Variants in SLC2A9 observed in about 807,000 individuals in gnomAD.
SLC2A9 encodes solute carrier family 2 member 9, also known as solute carrier family 2, facilitated glucose transporter member 9.
Under a neutral mutation model 50.6 loss-of-function variants are expected in SLC2A9, and 39 were observed. The ratio of observed to expected loss-of-function variants is 0.77; its 90% CI spans 0.60 to 1.01. The LOEUF (loss-of-function observed/expected upper bound fraction) is 1.01. SLC2A9 is among the 50% of genes least tolerant of loss of function. The pLI, the probability that SLC2A9 is intolerant of heterozygous loss-of-function variation, is 0.00. For synonymous variants in SLC2A9, 324 were observed against 276.9 expected (o/e 1.17, Z -1.69); for missense variants, 686 against 677.6 (o/e 1.01, Z -0.14).
intron 6 of SLC2A9, among the ~76,000 whole-genome samples, chr4:9,938,821 C>T (rs914945765): frequency 2.6e-5 from 4 of 152,144 alleles, no homozygotes; most frequent in Admixed American, 2.6e-4. Flanking sequence ...ATTGCAGGCA[C>T]TGGAGGCTGG....
chr4:9,939,568 T>A (rs893239558), intron 6 of SLC2A9, among the ~76,000 whole-genome samples: 1 of 151,782 alleles, frequency 6.6e-6, no homozygotes, highest in East Asian at 1.9e-4. Context: ...TAGCTTTATG[T>A]CCTTGGCCAA....
chr4:9,805,343 C>T (rs1242797424), intron 3 of SLC2A9, among the ~76,000 whole-genome samples: 1 of 152,234 alleles, frequency 6.6e-6, no homozygotes, highest in Non-Finnish European at 1.5e-5. Flanking sequence ...ACGCAACACA[C>T]ATCATGCCCA....
At chr4:9,849,526 C>T (rs370319579) in intron 10 of SLC2A9, among the ~76,000 whole-genome samples, 9 of 152,276 alleles carry the variant, frequency 5.9e-5, no homozygotes, top group African/African-American at 2.2e-4. Context: ...AGACTTTCTT[C>T]CAGTGGGATT....
intron 3 of SLC2A9, chr4:9,782,172 C>T: frequency 6.3e-7 from 1 of 1,598,768 alleles, no homozygotes; most frequent in Non-Finnish European, 8.5e-7. Context: ...TGCCTGCTGA[C>T]CCTACTCATC....
At chr4:9,946,616 CTCT>C (rs1749212109) in intron 5 of SLC2A9, among the ~76,000 whole-genome samples, 1 of 152,264 alleles carries the variant, frequency 6.6e-6, no homozygotes, top group East Asian at 1.9e-4. Flanking sequence ...AAATGAAATG[CTCT>C]TCTTTATATT....
At chr4:9,985,846 T>C in intron 3 of SLC2A9, 53 bp from the exon 4 acceptor site, 1 of 1,612,820 alleles carries the variant, frequency 6.2e-7, no homozygotes, top group Non-Finnish European at 8.5e-7. Flanking sequence ...GGCATGTCAC[T>C]GAACTGTCCA....
At chr4:10,006,286 A>G (rs1760758678) in intron 2 of SLC2A9, among the ~76,000 whole-genome samples, 1 of 152,220 alleles carries the variant, frequency 6.6e-6, no homozygotes, top group Non-Finnish European at 1.5e-5. Context: ...AGCCCGTTTA[A>G]CAATATTAAT....
intron 3 of SLC2A9, among the ~76,000 whole-genome samples, chr4:9,793,345 C>G (rs1188449100): frequency 6.6e-6 from 1 of 152,194 alleles, no homozygotes; most frequent in East Asian, 1.9e-4. Context: ...TCCAGGTCTC[C>G]CAACTCCCAG....
At chr4:9,979,540 T>A (rs1755355070) in intron 5 of SLC2A9, among the ~76,000 whole-genome samples, 2 of 152,100 alleles carry the variant, frequency 1.3e-5, no homozygotes, top group Admixed American at 1.3e-4. Flanking sequence ...TCCTAGCAAG[T>A]CCAGTGGCCT....
rs553961384 is a variant in SLC2A9 at position 9,780,224 on chromosome 4, G to T, written n.386-159C>A. ...AGGAAAGATCACTGCCTGCTGGGAA[G>T]ACAGAGGGTCAGGGCAGAGACTGGA... On this transcript the variant is annotated intron_variant and non_coding_transcript_variant, in intron 3 of 3. Coordinates refer to the SLC2A9 transcript ENST00000503803. Among the ~76,000 whole-genome samples, 4 of 152,312 alleles carry T rather than the reference G, an allele frequency of 2.6e-5. No individual in the cohort carries two copies. In the East Asian group the frequency reaches 7.7e-4, roughly 29 times the overall value.
At chr4:9,902,843 C>T (rs547627519) in intron 8 of SLC2A9, among the ~76,000 whole-genome samples, 35 of 152,298 alleles carry the variant, frequency 2.3e-4, no homozygotes, top group Non-Finnish European at 4.4e-5. Context: ...AGTCACATTC[C>T]GAGGTACTAG....
chr4:9,923,087 T>C (rs1328283051), intron 6 of SLC2A9: 1 of 152,140 alleles, frequency 6.6e-6, no homozygotes, highest in Non-Finnish European at 1.5e-5. Context: ...AGATATTCTT[T>C]TGAAAATAGC....
downstream of SLC2A9, among the ~76,000 whole-genome samples, chr4:9,825,572 A>G (rs1725013324): frequency 6.6e-6 from 1 of 152,008 alleles, no homozygotes; most frequent in Admixed American, 6.6e-5. Context: ...TTAGCTTTAG[A>G]ATCATCCTCA....
intron 11 of SLC2A9, among the ~76,000 whole-genome samples, chr4:9,831,636 C>T (rs1726164407): frequency 6.6e-6 from 1 of 152,170 alleles, no homozygotes; most frequent in Non-Finnish European, 1.5e-5. Flanking sequence ...CCAGAGCTGT[C>T]CATCTGCAAA....
chr4:9,821,436 G>A (rs114731059), downstream of SLC2A9, among the ~76,000 whole-genome samples: 3,199 of 152,102 alleles, frequency 0.021, 77 homozygotes, highest in Non-Finnish European at 0.029. Context: ...TCATAAGTGC[G>A]AATTGAACAA....
chr4:9,970,646 C>A (rs1008222622), intron 5 of SLC2A9, among the ~76,000 whole-genome samples: 8 of 151,296 alleles, frequency 5.3e-5, no homozygotes, highest in African/African-American at 1.9e-4. Context: ...TGGATAAATT[C>A]CCCTAGAAGA....
intron 10 of SLC2A9, among the ~76,000 whole-genome samples, chr4:9,857,074 A>G (rs746184800): frequency 1.3e-5 from 2 of 152,192 alleles, no homozygotes; most frequent in African/African-American, 2.4e-5. Flanking sequence ...ATTTACCTAT[A>G]TATCAAACCT....
intron 3 of SLC2A9, among the ~76,000 whole-genome samples, chr4:9,784,382 A>G (rs1718944545): frequency 6.6e-6 from 1 of 152,246 alleles, no homozygotes; most frequent in South Asian, 2.1e-4. Flanking sequence ...ATGTAGAATA[A>G]TATCTTGAAT....
intron 4 of SLC2A9, among the ~76,000 whole-genome samples, chr4:9,981,204 GTGA>G (rs1350985058): frequency 4.0e-5 from 6 of 150,304 alleles, no homozygotes; most frequent in Non-Finnish European, 7.4e-5. Context: ...GGTCATGATG[GTGA>G]TGATGATGAT....
Sources: allele counts gnomAD v4.1 joint callset (sites outside exome capture counted in the v4.1 genomes callset), GRCh38; gene constraint gnomAD v4.1.1; transcripts MANE v1.5; gene names NCBI Gene and HGNC (gene_info 2026-07-23, HGNC 2026-07-21).